Variants in ADGRD1 observed in about 807,000 individuals in gnomAD.
The protein encoded by ADGRD1 is G-protein coupled receptor 133.
Under a neutral mutation model 113.4 loss-of-function variants are expected in ADGRD1, and 77 were observed. The observed-to-expected ratio is 0.68, with a 90% CI of 0.57 to 0.82. The LOEUF (loss-of-function observed/expected upper bound fraction) is 0.82, where lower values mean the gene tolerates loss of function less well. Among genes scored for constraint, ADGRD1 ranks in the 40% least tolerant of loss-of-function variants. The pLI is 0.00. For missense variants in ADGRD1, 1,036 were observed against 1,139.1 expected, an observed-to-expected ratio of 0.91 and a Z score of 1.30; for synonymous variants, 474 against 475.0, an observed-to-expected ratio of 1.00 and a Z score of 0.03.
intron 14 of ADGRD1, among the ~76,000 whole-genome samples, chr12:131,079,295 G>T (rs1223754943): frequency 1.3e-5 from 2 of 152,168 alleles, no homozygotes; most frequent in African/African-American, 4.8e-5. Flanking sequence ...TTCAGAGTGG[G>T]ATCATTATGA....
At chr12:130,961,590 G>A (rs1870366989) in intron 2 of ADGRD1, among the ~76,000 whole-genome samples, 1 of 152,134 alleles carries the variant, frequency 6.6e-6, no homozygotes, top group African/African-American at 2.4e-5. Flanking sequence ...TGAAAATCAA[G>A]GTGGTTGCAG....
At chr12:131,120,627 G>T in intron 19 of ADGRD1, 1 of 621,694 alleles carries the variant, frequency 1.6e-6, no homozygotes, top group Non-Finnish European at 2.9e-6. Context: ...CTCTCCAGAG[G>T]TTGCTGTCCT....
At chr12:130,993,822 C>G (rs1005081097) in intron 8 of ADGRD1, 2 of 153,764 alleles carry the variant, frequency 1.3e-5, no homozygotes, top group Admixed American at 1.3e-4. Context: ...TCACTCACAG[C>G]AGGGGCTGGA....
rs538002619 is a variant in ADGRD1, at chr12:131,100,397, T to C, written c.1672-4434T>C. 5.9e-5 allele frequency among the ~76,000 whole-genome samples: 9 copies of C among 151,998 alleles called. No individual in the cohort carries two copies. In the East Asian group the frequency reaches 1.8e-3, roughly 30 times the overall value. ...GGTTGATGGTGAAGTTGGTTGATGA[T>C]GGGTTGGTTGTTGGTAAGGTCAGTT... On this transcript the variant is annotated intron_variant, in intron 15 of 24. Coordinates refer to ENST00000261654, the MANE Select transcript of ADGRD1 (RefSeq NM_198827.5).
intron 9 of ADGRD1, among the ~76,000 whole-genome samples, 163 bp downstream of exon 9, chr12:131,000,605 G>A (rs1259427209): frequency 1.3e-5 from 2 of 152,104 alleles, no homozygotes; most frequent in Non-Finnish European, 2.9e-5. Context: ...GCCAGGCGTG[G>A]TGGCGGGCAC....
chr12:131,005,919 C>T, intron 11 of ADGRD1, 53 bp from the exon 12 acceptor site: 1 of 1,426,188 alleles, frequency 7.0e-7, no homozygotes, highest in Non-Finnish European at 9.8e-7. Context: ...TTGTGTTTTT[C>T]CTGCCTGTGG....
rs75567140 is a variant in ADGRD1, at chr12:131,093,071, C to T, written c.1671+8408C>T. On this transcript the variant is annotated intron_variant, in intron 15 of 24. Coordinates refer to ENST00000261654, the MANE Select transcript of ADGRD1 (RefSeq NM_198827.5). ...CTGCCCCTCCTCATCACGTTCGCAT[C>T]GCTCTTCTGCTTTTAGGAGACAGTG... Among the ~76,000 whole-genome samples the T allele has an allele frequency of 6.9e-3, 1,055 of 151,888 alleles. 9 individuals are homozygous for T. Among genetic ancestry groups the T allele is most frequent in the Non-Finnish European group, 0.012 (792 of 67,926 alleles).
In ADGRD1 at chr12:131,057,960, T is replaced by C. The variant is rs576737133; in HGVS notation, c.1474-18841T>C. ...TCTTGTTCATGTTTTTCCTTGTCTA[T>C]GCACCAGGGAGAATGAGCTTCTGTT... On this transcript the variant is annotated intron_variant, in intron 13 of 24. Transcript: ENST00000261654. The surrounding 1 kb of genome is among the most constrained non-coding windows in gnomAD (Gnocchi z 4.2). Among the ~76,000 whole-genome samples, 2 of 152,348 alleles carry C rather than the reference T, an allele frequency of 1.3e-5. No homozygotes were observed. The highest frequency in any genetic ancestry group is 6.5e-5 in the Admixed American group (1 of 15,304).
At position 131,075,265 on chromosome 12, in the gene ADGRD1, C is replaced by T. The variant is rs144063491; in HGVS notation, c.1474-1536C>T. Among the ~76,000 whole-genome samples, 3 of 152,262 alleles carry T rather than the reference C, an allele frequency of 2.0e-5. No homozygotes were observed. The East Asian group carries it at 5.8e-4, about 29-fold the overall frequency. On this transcript the variant is annotated intron_variant, in intron 13 of 24. Transcript: ENST00000261654. The surrounding 1 kb of genome is among the most constrained non-coding windows in gnomAD (Gnocchi z 5.3). ...GCCTGGGCCCAAGGAAGCCTCATTACACCCCTCCGAGAACCAGGCTGTGGC... is the reference window on the plus strand; with the variant it reads ...GCCTGGGCCCAAGGAAGCCTCATTATACCCCTCCGAGAACCAGGCTGTGGC...
chr12:131,004,296 G>A lies in ADGRD1; in HGVS notation c.1255G>A (p.Ala419Thr), dbSNP rs760072000. Residue 419 changes from alanine (A) to threonine (T), a missense_variant and splice_region_variant, in exon 11 of 25, where the codon GCC becomes ACC. Ala to Thr is a moderately conservative substitution (Grantham distance 58). Transcript: ENST00000261654. ...CCCCCACGAGGCCTTCCACAGGCACGGTGAGTGTGGCTGCGCTGGACTCCC... is the reference window on the plus strand; with the variant it reads ...CCCCCACGAGGCCTTCCACAGGCACAGTGAGTGTGGCTGCGCTGGACTCCC... ...QIPHEAFHRH[A>T]WSTVVGLLYH... 34 of 1,599,850 alleles carry A rather than the reference G, an allele frequency of 2.1e-5. No individual in the cohort carries two copies. Among genetic ancestry groups the A allele is most frequent in the South Asian group, 4.4e-5 (4 of 90,762 alleles).
Position 130,966,534 on chromosome 12 carries a change from G to A in ADGRD1, c.175G>A (p.Asp59Asn). ...TGTGGATGGGATCCATGAACTTCAG[G>A]ATACAACTGGAGGTAGAGACGCGGG... ...ENVDGIHELQ[D>N]TTGDIVEGKV... Residue 59 changes from aspartate to asparagine, a missense_variant, in exon 3 of 25, where the codon GAT becomes AAT. Coordinates refer to ENST00000261654, the MANE Select transcript of ADGRD1 (RefSeq NM_198827.5). This position sits in a 1 kb window ranked among gnomAD's most constrained non-coding sequence, Gnocchi z 4.6. 1 of 1,606,594 alleles carries A rather than the reference G, an allele frequency of 6.2e-7. No individual in the cohort carries two copies. Among genetic ancestry groups the A allele is most frequent in the African/African-American group, 1.3e-5 (1 of 74,900 alleles).
At chr12:130,969,295 GCCACAGAC>G in intron 3 of ADGRD1, 1 of 501,194 alleles carries the variant, frequency 2.0e-6, no homozygotes, top group Non-Finnish European at 3.5e-6. Context: ...CAGTCCCTGG[GCCACAGAC>G]TGGCAGCAAT....
intron 13 of ADGRD1, among the ~76,000 whole-genome samples, chr12:131,067,930 C>T (rs111429676): frequency 1.0e-3 from 3 of 2,988 alleles, no homozygotes; most frequent in African/African-American, 8.5e-3. Flanking sequence ...TGCCCCTGAT[C>T]CTTCTTCTGA....
intron 13 of ADGRD1, among the ~76,000 whole-genome samples, chr12:131,042,026 C>T (rs1206028042): frequency 2.0e-5 from 3 of 152,222 alleles, no homozygotes; most frequent in Non-Finnish European, 4.4e-5. Context: ...TGTCCTTGGA[C>T]ATTTTATTAT....
In ADGRD1 at chr12:130,984,921, CCTCTCTT is replaced by C. The variant is rs1452627020; in HGVS notation, c.491-2166_491-2160del. Among the ~76,000 whole-genome samples the C allele has an allele frequency of 6.7e-6, 1 of 150,254 alleles. No homozygotes were observed. Among genetic ancestry groups the C allele is most frequent in the Non-Finnish European group, 1.5e-5 (1 of 67,582 alleles). ...TCTCTCTCTCTCTCACTCTCTCTCT[CCTCTCTT>C]CTCTCTTTCTCTCTTTCTTTCTTTT... is the stretch of plus-strand genomic sequence containing the variant. On this transcript the variant is annotated intron_variant, in intron 5 of 24. Coordinates refer to ENST00000261654, the MANE Select transcript of ADGRD1 (RefSeq NM_198827.5). The surrounding 1 kb of genome is among the most constrained non-coding windows in gnomAD (Gnocchi z 4.1).
At chr12:131,066,745 C>T (rs937218226) in intron 13 of ADGRD1, among the ~76,000 whole-genome samples, 2 of 152,148 alleles carry the variant, frequency 1.3e-5, no homozygotes, top group Non-Finnish European at 2.9e-5. Context: ...TGAGGAGTGG[C>T]CACGTGGATG....
At chr12:130,960,967 C>A (rs566048192) in intron 2 of ADGRD1, among the ~76,000 whole-genome samples, 1 of 152,222 alleles carries the variant, frequency 6.6e-6, no homozygotes, top group East Asian at 1.9e-4. Context: ...GAACAGCAGG[C>A]AAAGTTATGC....
rs937168160 is a variant in ADGRD1, at chr12:131,075,685, G to A, written c.1474-1116G>A. On this transcript the variant is annotated intron_variant, in intron 13 of 24. Transcript: ENST00000261654. The surrounding 1 kb of genome is among the most constrained non-coding windows in gnomAD (Gnocchi z 5.3). The stretch of plus-strand genomic sequence containing the variant: ...AGTGGGGTCCGAGGTGCCTGTCAGG[G>A]GCACCAGAGCTGCTGCTTCCTGGGA... 6.6e-6 allele frequency among the ~76,000 whole-genome samples: 1 copy of A among 152,176 alleles called. No individual in the cohort carries two copies. Among genetic ancestry groups the A allele is most frequent in the Non-Finnish European group, 1.5e-5 (1 of 68,036 alleles).
Position 131,041,349 on chromosome 12 carries a change from A to C in ADGRD1, c.1473+27009A>C, listed in dbSNP as rs772102165. ...GGAAGGAGGAAGTTGTCTGGGGAGA[A>C]GAAGAGCAGGTGTGGACAGGGCAGA... On this transcript the variant is annotated intron_variant, in intron 13 of 24. Coordinates refer to ENST00000261654, the MANE Select transcript of ADGRD1 (RefSeq NM_198827.5). The surrounding 1 kb of genome is among the most constrained non-coding windows in gnomAD (Gnocchi z 4.4). Among the ~76,000 whole-genome samples, 17 of 152,138 alleles carry C rather than the reference A, an allele frequency of 1.1e-4. No homozygotes were observed. Among genetic ancestry groups the C allele is most frequent in the Admixed American group, 3.3e-4 (5 of 15,274 alleles).
Sources: gnomAD v4.1 joint callset for allele counts (sites outside exome capture counted in the v4.1 genomes callset) on GRCh38, gnomAD v4.1.1 for gene constraint, Gnocchi (gnomAD v3.1) non-coding constraint, MANE v1.5 for transcripts, NCBI Gene and HGNC (gene_info 2026-07-23, HGNC 2026-07-21) for gene names.